The following CAV1 variants were observed in gnomAD, a reference collection of about 807,000 sequenced individuals.
The protein encoded by CAV1 is caveolin-1.
A neutral mutation model predicts 16.5 loss-of-function variants in CAV1; 10 were observed. The observed-to-expected ratio is 0.61, with a 90% confidence interval of 0.37 to 1.03. CAV1 has a LOEUF of 1.03. Among genes scored for constraint, CAV1 ranks in the 50% least tolerant of loss-of-function variants. The pLI, the probability that CAV1 is intolerant of heterozygous loss-of-function variation, is 0.01. For synonymous variants in CAV1, 76 were observed against 85.1 expected (o/e 0.89, Z 0.59); for missense variants, 212 against 232.8 (o/e 0.91, Z 0.58).
intron 2 of CAV1, among the ~76,000 whole-genome samples, chr7:116,534,292 T>TCCAGCCGGGGC: frequency 7.1e-6 from 1 of 141,704 alleles, no homozygotes; most frequent in African/African-American, 2.5e-5. Context: ...CCAAAAGCAC[T>TCCAGCCGGGGC]ATCAAATTTG....
chr7:116,536,101 T>C (rs1206257153), intron 2 of CAV1, among the ~76,000 whole-genome samples: 1 of 152,066 alleles, frequency 6.6e-6, no homozygotes, highest in Non-Finnish European at 1.5e-5. Flanking sequence ...TCAAACACAA[T>C]TACATTTTCT....
In CAV1 at chr7:116,526,527, A is replaced by T. The variant is rs772321328; in HGVS notation, c.33A>T (p.Gly11=). 1 of 1,613,848 alleles carries T rather than the reference A, an allele frequency of 6.2e-7. No individual in the cohort carries two copies. The highest frequency in any genetic ancestry group is 8.5e-7 in the Non-Finnish European group (1 of 1,179,972). Reference sequence around the variant, plus strand: ...CGTCCGCCCTCCGCCCTCTGCAGGGACATCTCTACACCGTTCCCATCCGGG... The same window carrying T: ...CGTCCGCCCTCCGCCCTCTGCAGGGTCATCTCTACACCGTTCCCATCCGGG... MSGGKYVDSE[G]HLYTVPIREQ... The change falls in exon 2 of 3, where the codon GGA becomes GGT. Residue 11 remains glycine (G), a splice_region_variant and synonymous_variant. Coordinates refer to ENST00000341049, the MANE Select transcript of CAV1 (RefSeq NM_001753.5).
At chr7:116,551,060 A>G (rs1794152257) in intron 2 of CAV1, among the ~76,000 whole-genome samples, 2 of 152,206 alleles carry the variant, frequency 1.3e-5, no homozygotes, top group South Asian at 4.1e-4. Context: ...GCTGTAATTA[A>G]ATCCAAGGGA....
intron 2 of CAV1, among the ~76,000 whole-genome samples, chr7:116,538,790 GC>G: frequency 6.6e-6 from 1 of 152,264 alleles, no homozygotes; most frequent in Admixed American, 6.5e-5. Flanking sequence ...AGTTCCACAT[GC>G]CTGGGGAGGC....
intron 1 of CAV1, 172 bp from the exon 2 acceptor site, chr7:116,526,353 G>T: frequency 6.7e-7 from 1 of 1,489,980 alleles, no homozygotes; most frequent in Non-Finnish European, 8.9e-7. Context: ...CTACGCGCAG[G>T]CGGTTTCTGT....
At chr7:116,548,769 G>A (rs150800769) in intron 2 of CAV1, among the ~76,000 whole-genome samples, 16 of 152,226 alleles carry the variant, frequency 1.1e-4, no homozygotes, top group East Asian at 9.7e-4. Context: ...CCTGAGGCTC[G>A]GTCTCCTAAT....
chr7:116,534,396 T>TATATATATATATG (rs1491486855), intron 2 of CAV1, among the ~76,000 whole-genome samples: 1 of 7,278 alleles, frequency 1.4e-4, no homozygotes, highest in Non-Finnish European at 2.5e-4. Flanking sequence ...TATATATATA[T>TATATATATATATG]TTTTTTTTTT....
At chr7:116,536,769 C>T (rs1191892052) in intron 2 of CAV1, among the ~76,000 whole-genome samples, 1 of 151,402 alleles carries the variant, frequency 6.6e-6, no homozygotes, top group South Asian at 2.1e-4. Context: ...TTTGGGAGGC[C>T]GAGGCGGGTG....
chr7:116,557,581 A>G (rs1794315413), intron 2 of CAV1, among the ~76,000 whole-genome samples: 1 of 152,148 alleles, frequency 6.6e-6, no homozygotes, highest in Admixed American at 6.5e-5. Flanking sequence ...CCTGTAATTA[A>G]TTGTTTGGGT....
At chr7:116,555,609 A>G (rs1189241330) in intron 2 of CAV1, among the ~76,000 whole-genome samples, 3 of 131,508 alleles carry the variant, frequency 2.3e-5, no homozygotes, top group Non-Finnish European at 3.3e-5. Context: ...AGAAAGAGAA[A>G]GAAAGAAAGA....
chr7:116,529,758 C>T (rs1793644902), intron 2 of CAV1, among the ~76,000 whole-genome samples: 1 of 152,158 alleles, frequency 6.6e-6, no homozygotes, highest in African/African-American at 2.4e-5. Context: ...TTACTAAAAG[C>T]TTGCTGCTCC....
intron 2 of CAV1, among the ~76,000 whole-genome samples, chr7:116,548,705 G>T (rs979279755): frequency 6.6e-6 from 1 of 152,158 alleles, no homozygotes. Context: ...AGAGCTGAAT[G>T]AGGAACTGAG....
intron 2 of CAV1, among the ~76,000 whole-genome samples, chr7:116,541,198 T>C (rs1446529668): frequency 6.6e-6 from 1 of 151,596 alleles, no homozygotes; most frequent in African/African-American, 2.4e-5. Flanking sequence ...AAGAGGGAGG[T>C]AGAGATTCTG....
At chr7:116,527,022 T>A in intron 2 of CAV1, 1 of 381,652 alleles carries the variant, frequency 2.6e-6, no homozygotes, top group Non-Finnish European at 5.1e-6. Context: ...CTTGGGACGG[T>A]GAGATGGTTC....
chr7:116,538,390 G>A (rs943576515), intron 2 of CAV1, among the ~76,000 whole-genome samples: 8 of 152,152 alleles, frequency 5.3e-5, no homozygotes, highest in Non-Finnish European at 1.0e-4. Flanking sequence ...AGCAATCATG[G>A]TTCACTGTAT....
chr7:116,548,318 A>T (rs778925084), intron 2 of CAV1, among the ~76,000 whole-genome samples: 31 of 152,366 alleles, frequency 2.0e-4, no homozygotes, highest in Admixed American at 8.5e-4. Context: ...AACCAGGAAA[A>T]GCCAGAAAGA....
chr7:116,550,896 C>A (rs1315116125), intron 2 of CAV1, among the ~76,000 whole-genome samples: 2 of 152,110 alleles, frequency 1.3e-5, no homozygotes, highest in Non-Finnish European at 1.5e-5. Context: ...TACTTATGGG[C>A]TTAAATTAGC....
intron 2 of CAV1, 116 bp downstream of exon 2, chr7:116,526,805 C>A: frequency 1.4e-6 from 1 of 719,528 alleles, no homozygotes; most frequent in Non-Finnish European, 2.2e-6. Context: ...CCTACACGCG[C>A]ACACACACAC....
At chr7:116,549,188 G>A (rs1584781156) in intron 2 of CAV1, among the ~76,000 whole-genome samples, 3 of 152,214 alleles carry the variant, frequency 2.0e-5, no homozygotes, top group South Asian at 4.1e-4. Context: ...CACTTTTGTC[G>A]CCTGTCCCTT....
Sources: gnomAD v4.1 joint callset for allele counts (sites outside exome capture counted in the v4.1 genomes callset) on GRCh38, gnomAD v4.1.1 for gene constraint, MANE v1.5 for transcripts, NCBI Gene and HGNC (gene_info 2026-07-23, HGNC 2026-07-21) for gene names.